The following PDS5A variants were observed in gnomAD, a reference collection of about 807,000 sequenced individuals.
PDS5A encodes PDS5 cohesin associated factor A.
In PDS5A, 42 loss-of-function variants were observed where a neutral mutation model predicts 167.1. That is an observed-to-expected ratio of 0.25 (90% CI 0.20 to 0.33). The LOEUF is 0.33. Ranked by LOEUF, PDS5A falls within the 10% of genes least tolerant of loss-of-function variation. The pLI, the probability that PDS5A is intolerant of heterozygous loss-of-function variation, is 1.00. For missense variants in PDS5A, 1,033 were observed against 1,605.9 expected, an observed-to-expected ratio of 0.64 and a Z score of 6.10; for synonymous variants, 553 against 554.6, an observed-to-expected ratio of 1.00 and a Z score of 0.04.
At chr4:39,841,630 A>G (rs571419435) in intron 31 of PDS5A, among the ~76,000 whole-genome samples, 1 of 151,822 alleles carries the variant, frequency 6.6e-6, no homozygotes, top group East Asian at 1.9e-4. Flanking sequence ...CTCCTGCCTC[A>G]GCCTCCTGAG....
intron 12 of PDS5A, among the ~76,000 whole-genome samples, chr4:39,903,634 A>T (rs1723062320): frequency 6.6e-6 from 1 of 152,224 alleles, no homozygotes; most frequent in African/African-American, 2.4e-5. Context: ...AGGATGCTTT[A>T]TATTCATTAT....
At chr4:39,912,058 C>T (rs1042489496) in intron 9 of PDS5A, among the ~76,000 whole-genome samples, 3 of 152,080 alleles carry the variant, frequency 2.0e-5, no homozygotes, top group African/African-American at 7.2e-5. Context: ...CACTTTCTTA[C>T]CCAGATAAAA....
intron 2 of PDS5A, among the ~76,000 whole-genome samples, chr4:39,930,012 G>A (rs1430777504): frequency 1.3e-5 from 2 of 150,212 alleles, no homozygotes; most frequent in Non-Finnish European, 3.0e-5. Context: ...TCAGAAGATC[G>A]AGACCATCCT....
At chr4:39,854,079 A>G (rs1187466322) in intron 26 of PDS5A, among the ~76,000 whole-genome samples, 1 of 152,164 alleles carries the variant, frequency 6.6e-6, no homozygotes, top group Non-Finnish European at 1.5e-5. Flanking sequence ...AAGCAGGTGG[A>G]TCACCTGAGG....
chr4:39,927,126 T>C (rs1725546910), intron 3 of PDS5A, among the ~76,000 whole-genome samples: 1 of 152,224 alleles, frequency 6.6e-6, no homozygotes, highest in Admixed American at 6.5e-5. Flanking sequence ...TATCTCATTA[T>C]AATTTCTTCT....
At chr4:39,885,614 G>T (rs913354227) in intron 17 of PDS5A, among the ~76,000 whole-genome samples, 1 of 151,822 alleles carries the variant, frequency 6.6e-6, no homozygotes, top group Non-Finnish European at 1.5e-5. Context: ...AAAAAGAAAA[G>T]AAAATCTTAA....
intron 18 of PDS5A, among the ~76,000 whole-genome samples, 159 bp downstream of exon 18, chr4:39,879,569 G>A (rs934188948): frequency 2.6e-4 from 40 of 152,080 alleles, no homozygotes; most frequent in Admixed American, 1.3e-4. Flanking sequence ...ATTATATTAT[G>A]TTGTAAAAAC....
At chr4:39,973,635 A>G (rs1298142512) in intron 2 of PDS5A, 4 of 1,316,502 alleles carry the variant, frequency 3.0e-6, no homozygotes, top group African/African-American at 1.4e-5. Flanking sequence ...CAGTTACAGA[A>G]ATGAACGGTA....
chr4:39,897,048 T>C (rs903667313), intron 16 of PDS5A, among the ~76,000 whole-genome samples: 1 of 152,154 alleles, frequency 6.6e-6, no homozygotes, highest in Non-Finnish European at 1.5e-5. Flanking sequence ...AAAATACATG[T>C]GGTCTTATCT....
At chr4:39,976,327 G>C (rs192382924) in intron 2 of PDS5A, 113 bp downstream of exon 2, 4 of 718,160 alleles carry the variant, frequency 5.6e-6, no homozygotes, top group African/African-American at 1.7e-5. Flanking sequence ...CCTTTCAGAG[G>C]GGGTAAGAGA....
At chr4:39,951,920 A>AG (rs58625322) in intron 2 of PDS5A, among the ~76,000 whole-genome samples, 12 of 150,926 alleles carry the variant, frequency 8.0e-5, no homozygotes, top group African/African-American at 2.9e-4. Flanking sequence ...AAAAAAAAAA[A>AG]TCTGTATCAC....
chr4:39,874,215 G>A, intron 20 of PDS5A, 74 bp downstream of exon 20: 3 of 1,274,966 alleles, frequency 2.4e-6, no homozygotes, highest in Admixed American at 2.1e-5. Flanking sequence ...AAAAAATCTA[G>A]CTTCCATCTT....
At chr4:39,930,246 A>AAAAAAAGTT in intron 2 of PDS5A, among the ~76,000 whole-genome samples, 1 of 93,088 alleles carries the variant, frequency 1.1e-5, no homozygotes, top group Non-Finnish European at 2.2e-5. Flanking sequence ...AAAAAAAAAA[A>AAAAAAAGTT]GTTTTTTTGT....
intron 2 of PDS5A, among the ~76,000 whole-genome samples, chr4:39,962,158 C>A (rs1360625752): frequency 1.3e-5 from 2 of 151,934 alleles, no homozygotes; most frequent in East Asian, 1.9e-4. Flanking sequence ...CCCGGGTTCA[C>A]GGCATTCTCC....
intron 32 of PDS5A, chr4:39,837,117 C>A (rs1195607131): frequency 6.6e-6 from 1 of 151,670 alleles, no homozygotes; most frequent in Non-Finnish European, 1.5e-5. Context: ...CAGGCATGAG[C>A]CACTGAGCAT....
At chr4:39,921,738 TGA>T (rs1404316801) in intron 6 of PDS5A, among the ~76,000 whole-genome samples, 3 of 151,600 alleles carry the variant, frequency 2.0e-5, no homozygotes, top group Admixed American at 2.0e-4. Context: ...GGTGACAGAG[TGA>T]GACCCTGTCC....
intron 2 of PDS5A, chr4:39,932,528 T>C: frequency 1.4e-5 from 3 of 215,878 alleles, no homozygotes; most frequent in Non-Finnish European, 3.2e-5. Flanking sequence ...TATCTTCCGA[T>C]GGTCATGAAT....
intron 16 of PDS5A, among the ~76,000 whole-genome samples, chr4:39,894,495 A>G (rs58072301): frequency 1.3e-5 from 2 of 152,130 alleles, no homozygotes; most frequent in Non-Finnish European, 2.9e-5. Flanking sequence ...GCACATCCAC[A>G]TTCATAGCCC....
rs770699182 is a variant in PDS5A, at chr4:39,902,469, T to C, written c.1386-9A>G. 4 of 1,344,336 alleles carry C rather than the reference T, an allele frequency of 3.0e-6. No homozygotes were observed. The highest frequency in any genetic ancestry group is 4.1e-6 in the Non-Finnish European group (4 of 967,366). The allele number at this position is 1,344,336 out of a possible 1,614,324, so 83.3% of individuals were successfully genotyped here. ...TTTTCTCTACCAACAGTCTAGGAAATAACAACAACAAAAAAAACCTAAGTG... is the reference window on the plus strand; with the variant it reads ...TTTTCTCTACCAACAGTCTAGGAAACAACAACAACAAAAAAAACCTAAGTG... On this transcript the variant is annotated splice_polypyrimidine_tract_variant and intron_variant, in intron 12 of 32. Transcript: ENST00000303538.
Sources: gnomAD v4.1 joint callset for allele counts (sites outside exome capture counted in the v4.1 genomes callset) on GRCh38, gnomAD v4.1.1 for gene constraint, MANE v1.5 for transcripts, NCBI Gene and HGNC (gene_info 2026-07-23, HGNC 2026-07-21) for gene names.